The following CLEC19A variants were observed in gnomAD, a reference collection of about 807,000 sequenced individuals.
The protein encoded by CLEC19A is C-type lectin domain family 19 member A.
Under a neutral mutation model 26.1 loss-of-function variants are expected in CLEC19A, and 21 were observed. The observed-to-expected ratio is 0.80, with a 90% CI of 0.57 to 1.16. The LOEUF is 1.16. Ranked by LOEUF, CLEC19A falls within the 50% of genes most tolerant of loss-of-function variation. The probability of loss-of-function intolerance (pLI) is 0.00; values close to 1 mark genes in which losing one functional copy is unlikely to be tolerated. For synonymous variants in CLEC19A, 89 were observed against 88.6 expected, an observed-to-expected ratio of 1.00 and a Z score of -0.03; for missense variants, 224 against 227.6, an observed-to-expected ratio of 0.98 and a Z score of 0.10.
chr16:19,294,318 G>A (rs1304082742), intron 1 of CLEC19A, among the ~76,000 whole-genome samples: 1 of 152,188 alleles, frequency 6.6e-6, no homozygotes, highest in Non-Finnish European at 1.5e-5. Flanking sequence ...GGAAGTGAGG[G>A]GGGGTGCCCA....
At position 19,309,261 on chromosome 16, in the gene CLEC19A, G is replaced by A. The variant is rs1328327296; in HGVS notation, c.*178G>A. 3 of 505,216 alleles carry A rather than the reference G, an allele frequency of 5.9e-6. No individual in the cohort carries two copies. Among genetic ancestry groups the A allele is most frequent in the Non-Finnish European group, 1.0e-5 (3 of 289,550 alleles). The allele number at this position is 505,216 out of a possible 1,614,324, so 31.3% of individuals were successfully genotyped here. A position where few individuals can be genotyped will look rare whatever the true frequency, so the allele number is the denominator to read the frequency against. Reference sequence around the variant, plus strand: ...GGTCACTTGGCCAAGTGTCAGGAAAGCCAGCTCAAATTGGCTTAATTTTTT... The same window carrying A: ...GGTCACTTGGCCAAGTGTCAGGAAAACCAGCTCAAATTGGCTTAATTTTTT... On this transcript the variant is annotated 3_prime_UTR_variant, in exon 5 of 5. Transcript: ENST00000636231.
chr16:19,289,025 T>A (rs1036422443), intron 1 of CLEC19A, among the ~76,000 whole-genome samples: 1 of 152,188 alleles, frequency 6.6e-6, no homozygotes, highest in African/African-American at 2.4e-5. Flanking sequence ...TGGAACTGGC[T>A]TTTCTGTGAA....
intron 1 of CLEC19A, among the ~76,000 whole-genome samples, chr16:19,287,038 T>G (rs1567250504): frequency 6.8e-6 from 1 of 146,228 alleles, no homozygotes; most frequent in East Asian, 2.0e-4. Context: ...TTTTTTTTTT[T>G]TGTTAATCTA....
chr16:19,300,724 C>G (rs1311036499), intron 2 of CLEC19A, among the ~76,000 whole-genome samples: 4 of 152,128 alleles, frequency 2.6e-5, no homozygotes, highest in Non-Finnish European at 4.4e-5. Context: ...CTACAGGTGT[C>G]TAAAACAGAT....
chr16:19,291,823 C>T (rs1179669004), intron 1 of CLEC19A, among the ~76,000 whole-genome samples: 1 of 152,202 alleles, frequency 6.6e-6, no homozygotes, highest in Non-Finnish European at 1.5e-5. Flanking sequence ...CAATTAAAGG[C>T]CTTTGCCTGC....
chr16:19,301,735 GGTTT>G (rs1897828487), intron 2 of CLEC19A, among the ~76,000 whole-genome samples: 2 of 35,136 alleles, frequency 5.7e-5, no homozygotes, highest in African/African-American at 1.4e-4. Context: ...AGGTTTTTTT[GGTTT>G]TTTTTTTTTT....
At chr16:19,301,333 G>A (rs1173945462) in intron 2 of CLEC19A, among the ~76,000 whole-genome samples, 1 of 152,032 alleles carries the variant, frequency 6.6e-6, no homozygotes, top group Non-Finnish European at 1.5e-5. Flanking sequence ...GGAAGTACTG[G>A]TCCTGGATCA....
At chr16:19,307,839 G>A (rs1028981315) in intron 4 of CLEC19A, among the ~76,000 whole-genome samples, 162 bp downstream of exon 4, 1 of 152,202 alleles carries the variant, frequency 6.6e-6, no homozygotes, top group Non-Finnish European at 1.5e-5. Context: ...GGTGTCGGGG[G>A]CATGGCCATT....
At chr16:19,288,799 T>C (rs1193015434) in intron 1 of CLEC19A, among the ~76,000 whole-genome samples, 2 of 152,172 alleles carry the variant, frequency 1.3e-5, no homozygotes, top group African/African-American at 4.8e-5. Context: ...AAGAACTCTC[T>C]ATAGCAAAGG....
At position 19,310,462 on chromosome 16, in the gene CLEC19A, C is replaced by T. The variant is rs907221173; in HGVS notation, c.*1379C>T. On this transcript the variant is annotated 3_prime_UTR_variant, in exon 5 of 5. Coordinates refer to ENST00000636231, the MANE Select transcript of CLEC19A (RefSeq NM_001256720.2). The stretch of plus-strand genomic sequence containing the variant: ...CTCCAGCCTGGGTGACAGAGCAAGA[C>T]CCTGTCTCAAAAAACAAAAACAAAA... 4 of 152,142 alleles carry T rather than the reference C, an allele frequency of 2.6e-5. No homozygotes were observed. The highest frequency in any genetic ancestry group is 4.4e-5 in the Non-Finnish European group (3 of 68,062). The allele number at this position is 152,142 out of a possible 1,614,324, so 9.4% of individuals were successfully genotyped here.
chr16:19,306,612 A>G lies in CLEC19A; in HGVS notation c.349-933A>G, dbSNP rs548194057. ...GAAAGACCTAATAATAATAATAATAATAAATACAAGAAAATGCCTTTTCTT... is the reference window on the plus strand; with the variant it reads ...GAAAGACCTAATAATAATAATAATAGTAAATACAAGAAAATGCCTTTTCTT... On this transcript the variant is annotated intron_variant, in intron 3 of 4. Transcript: ENST00000636231. 1.2e-4 allele frequency among the ~76,000 whole-genome samples: 19 copies of G among 152,332 alleles called. No homozygotes were observed. The East Asian group carries it at 3.7e-3, about 29-fold the overall frequency.
rs909991907 is a variant in CLEC19A at position 19,298,826 on chromosome 16, C to T, written c.242C>T (p.Ala81Val). ...GTGGGCAGGAAGTCCGCCAAGCTGG[C>T]CTCCATCCACAGGTAAGTGGGATCC... The part of the protein sequence containing the change: ...FSVGRKSAKL[A>V]SIHSWEENVF... The change falls in exon 2 of 5, where the codon GCC becomes GTC. Residue 81 changes from alanine (A) to valine (V), a missense_variant. Ala to Val is a moderately conservative substitution (Grantham distance 64). Coordinates refer to ENST00000636231, the MANE Select transcript of CLEC19A (RefSeq NM_001256720.2). 1 of 1,550,372 alleles carries T rather than the reference C, an allele frequency of 6.5e-7. No individual in the cohort carries two copies.
chr16:19,285,766 C>G lies in CLEC19A; in HGVS notation c.-86C>G, dbSNP rs1454824173. The G allele has an allele frequency of 3.3e-6, 4 of 1,194,584 alleles. No homozygotes were observed. The highest frequency in any genetic ancestry group is 4.8e-6 in the Non-Finnish European group (4 of 828,478). 74.0% of individuals were successfully genotyped at this position (1,194,584 alleles called of 1,614,324 possible). On this transcript the variant is annotated 5_prime_UTR_variant, in exon 1 of 5. Transcript: ENST00000636231. ...AGCTCCTGCCAGGCTCCATCTGACC[C>G]TAGGAGAGCAATCCTGGACCCAAGC...
rs774617905 is a variant in CLEC19A, at chr16:19,309,575, C to G, written c.*492C>G. 4 of 153,628 alleles carry G rather than the reference C, an allele frequency of 2.6e-5. No individual in the cohort carries two copies. Among genetic ancestry groups the G allele is most frequent in the African/African-American group, 9.7e-5 (4 of 41,348 alleles). 9.5% of individuals were successfully genotyped at this position (153,628 alleles called of 1,614,324 possible). A position where few individuals can be genotyped will look rare whatever the true frequency, so the allele number is the denominator to read the frequency against. The stretch of plus-strand genomic sequence containing the variant: ...TAAGTTTGGGAGGCTTAATGTACAG[C>G]GTGATGACTATAGTTAATAATAATG... On this transcript the variant is annotated 3_prime_UTR_variant, in exon 5 of 5. Transcript: ENST00000636231.
intron 1 of CLEC19A, among the ~76,000 whole-genome samples, chr16:19,289,882 C>T (rs1178821840): frequency 3.3e-5 from 5 of 152,186 alleles, no homozygotes; most frequent in Admixed American, 2.6e-4. Flanking sequence ...GTCCTCAGAA[C>T]GCAGCAGCCA....
At chr16:19,295,411 C>T (rs1405382320) in intron 1 of CLEC19A, among the ~76,000 whole-genome samples, 1 of 152,152 alleles carries the variant, frequency 6.6e-6, no homozygotes, top group East Asian at 1.9e-4. Flanking sequence ...CCATGTTGCC[C>T]AGTCTAGTCT....
intron 3 of CLEC19A, chr16:19,304,377 T>G: frequency 2.6e-6 from 1 of 385,478 alleles, no homozygotes; most frequent in East Asian, 4.0e-5. Flanking sequence ...AGAGAAAACC[T>G]GTTTGGCTTG....
intron 1 of CLEC19A, among the ~76,000 whole-genome samples, chr16:19,288,312 T>C (rs1223922115): frequency 1.3e-5 from 2 of 152,080 alleles, no homozygotes; most frequent in African/African-American, 4.8e-5. Context: ...TGTTGGTATG[T>C]TGTAGGGAGG....
In CLEC19A at chr16:19,309,121, A is replaced by G. The variant is rs148640277; in HGVS notation, c.*38A>G. 1.5e-4 allele frequency: 215 copies of G among 1,434,070 alleles called. 1 individual carries two copies. In the East Asian group the frequency reaches 5.1e-3, roughly 34 times the overall value. 88.8% of individuals were successfully genotyped at this position (1,434,070 alleles called of 1,614,324 possible). On this transcript the variant is annotated 3_prime_UTR_variant, in exon 5 of 5. Coordinates refer to ENST00000636231, the MANE Select transcript of CLEC19A (RefSeq NM_001256720.2). ...CTACTGGTGTGAGCTCAACTCTAGT[A>G]TCATCTTGTAGCTGTAACCAGTGTA...
Sources: gnomAD v4.1 joint callset for allele counts (sites outside exome capture counted in the v4.1 genomes callset) on GRCh38, gnomAD v4.1.1 for gene constraint, MANE v1.5 for transcripts, NCBI Gene and HGNC (gene_info 2026-07-23, HGNC 2026-07-21) for gene names.